Variants in ASB18 observed in about 807,000 individuals in gnomAD.
ASB18 encodes the protein ankyrin repeat and SOCS box protein 18.
In ASB18, 33 loss-of-function variants were observed where a neutral mutation model predicts 33.4. The ratio of observed to expected loss-of-function variants is 0.99; its 90% CI spans 0.75 to 1.32. The LOEUF (loss-of-function observed/expected upper bound fraction) is 1.32. ASB18 is among the 40% of genes most tolerant of loss of function. The pLI, the probability that ASB18 is intolerant of heterozygous loss-of-function variation, is 0.00. For missense variants in ASB18, 694 were observed against 655.5 expected, an observed-to-expected ratio of 1.06 and a Z score of -0.64; for synonymous variants, 295 against 307.6, an observed-to-expected ratio of 0.96 and a Z score of 0.43.
chr2:236,264,206 A>G lies in ASB18; in HGVS notation c.140T>C (p.Ile47Thr), dbSNP rs1456641710. ...CTEITPVDAV[I>T]ELANDDWMKD... is the part of the protein sequence containing the mutation. Reference sequence around the variant, plus strand: ...CATCCAGTCGTCATTGGCCAGTTCTATCACAGCGTCCACAGGCGTGATTTC... The same window carrying G: ...CATCCAGTCGTCATTGGCCAGTTCTGTCACAGCGTCCACAGGCGTGATTTC... Residue 47 changes from isoleucine to threonine, a missense_variant, in exon 1 of 6, where the codon ATA becomes ACA. Coordinates refer to ENST00000409749, the MANE Select transcript of ASB18 (RefSeq NM_212556.4). The surrounding 1 kb of genome is among the most constrained non-coding windows in gnomAD (Gnocchi z 5.1). 2 of 1,613,840 alleles carry G rather than the reference A, an allele frequency of 1.2e-6. No individual in the cohort carries two copies. Among genetic ancestry groups the G allele is most frequent in the African/African-American group, 1.3e-5 (1 of 74,920 alleles).
In ASB18 at chr2:236,211,854, C is replaced by T. The variant is rs916516322; in HGVS notation, c.1101+2508G>A. ...TGAATGCATCCTCATCCACCATCCT[C>T]TCCTGGCCAGGTGTAGGGGTACCCA... On this transcript the variant is annotated intron_variant, in intron 4 of 5. Coordinates refer to ENST00000409749, the MANE Select transcript of ASB18 (RefSeq NM_212556.4). This position sits in a 1 kb window ranked among gnomAD's most constrained non-coding sequence, Gnocchi z 5.0. 6.6e-6 allele frequency among the ~76,000 whole-genome samples: 1 copy of T among 152,188 alleles called. No homozygotes were observed. Among genetic ancestry groups the T allele is most frequent in the Non-Finnish European group, 1.5e-5 (1 of 68,036 alleles).
rs547833882 is a variant in ASB18, at chr2:236,251,107, G to A, written c.206-9705C>T. Among the ~76,000 whole-genome samples the A allele has an allele frequency of 2.0e-5, 3 of 152,304 alleles. No individual in the cohort carries two copies. The South Asian group carries it at 6.2e-4, about 32-fold the overall frequency. The stretch of plus-strand genomic sequence containing the variant: ...TACCAAGCCCAGTGCAGATAATGCA[G>A]AACAACAGTCACTTCTCATTATTAA... On this transcript the variant is annotated intron_variant, in intron 1 of 5. Coordinates refer to ENST00000409749, the MANE Select transcript of ASB18 (RefSeq NM_212556.4). This position sits in a 1 kb window ranked among gnomAD's most constrained non-coding sequence, Gnocchi z 5.3.
At position 236,242,157 on chromosome 2, in the gene ASB18, C is replaced by T. The variant is rs145327002; in HGVS notation, c.206-755G>A. Among the ~76,000 whole-genome samples the T allele has an allele frequency of 1.8e-3, 273 of 152,294 alleles. 1 individual carries two copies. The highest frequency in any genetic ancestry group is 6.4e-3 in the African/African-American group (267 of 41,554). ...AAGGAAATAGCATGGCCACGGCCGC[C>T]TGGCTAGTTAGCAGCTGTGCTATGA... is the stretch of plus-strand genomic sequence containing the variant. On this transcript the variant is annotated intron_variant, in intron 1 of 5. Transcript: ENST00000409749.
chr2:236,203,354 C>T lies in ASB18; in HGVS notation c.1102-6969G>A, dbSNP rs763650778. On this transcript the variant is annotated intron_variant, in intron 4 of 5. Transcript: ENST00000409749. The surrounding 1 kb of genome is among the most constrained non-coding windows in gnomAD (Gnocchi z 6.0). ...GGAGAGTTCTGGGGACAAGAGTGTT[C>T]TAGGCAGAGAAAACGTATTATGCCA... Among the ~76,000 whole-genome samples, 64 of 152,196 alleles carry T rather than the reference C, an allele frequency of 4.2e-4. No individual in the cohort carries two copies. The highest frequency in any genetic ancestry group is 6.8e-3 in the Middle Eastern group (2 of 294).
intron 3 of ASB18, among the ~76,000 whole-genome samples, chr2:236,224,610 A>G (rs114673938): frequency 1.3e-3 from 191 of 152,298 alleles, no homozygotes; most frequent in African/African-American, 4.5e-3. Context: ...TGTTCTCACA[A>G]CCTTTGGCTT....
intron 3 of ASB18, among the ~76,000 whole-genome samples, chr2:236,232,821 C>T (rs2060572485): frequency 6.6e-6 from 1 of 151,996 alleles, no homozygotes; most frequent in African/African-American, 2.4e-5. Context: ...AAGACATGTC[C>T]AGATAGCTTT....
intron 4 of ASB18, among the ~76,000 whole-genome samples, chr2:236,199,603 C>T (rs183774926): frequency 3.3e-5 from 5 of 150,334 alleles, no homozygotes; most frequent in East Asian, 1.9e-4. Flanking sequence ...AGATCTTCAC[C>T]GTATCTATTA....
rs1463721852 is a variant in ASB18 at position 236,244,812 on chromosome 2, C to G, written c.206-3410G>C. On this transcript the variant is annotated intron_variant, in intron 1 of 5. Transcript: ENST00000409749. This position sits in a 1 kb window ranked among gnomAD's most constrained non-coding sequence, Gnocchi z 6.1. ...AGCAAAGGGTGGAGTAGAAATCGAA[C>G]ACATTTATGGTTTGATATAGATGTG... 6.6e-6 allele frequency among the ~76,000 whole-genome samples: 1 copy of G among 152,198 alleles called. No individual in the cohort carries two copies. The highest frequency in any genetic ancestry group is 1.5e-5 in the Non-Finnish European group (1 of 68,048).
chr2:236,240,275 C>G (rs1046383563), intron 2 of ASB18, among the ~76,000 whole-genome samples: 3 of 152,140 alleles, frequency 2.0e-5, no homozygotes, highest in Non-Finnish European at 4.4e-5. Flanking sequence ...TCCTGCAGCC[C>G]CCACCGCCTC....
In ASB18 at chr2:236,237,010, G is replaced by T. The variant is rs1253889729; in HGVS notation, c.596+679C>A. Reference sequence around the variant, plus strand: ...GACCCGGAGCACACGCTGGGAGGGCGCTCTCTGGGGACGGGGGCTGCGGGA... The same window carrying T: ...GACCCGGAGCACACGCTGGGAGGGCTCTCTCTGGGGACGGGGGCTGCGGGA... On this transcript the variant is annotated intron_variant, in intron 3 of 5. Transcript: ENST00000409749. This position sits in a 1 kb window ranked among gnomAD's most constrained non-coding sequence, Gnocchi z 6.2. Among the ~76,000 whole-genome samples the T allele has an allele frequency of 2.6e-5, 4 of 152,098 alleles. No individual in the cohort carries two copies. The highest frequency in any genetic ancestry group is 2.6e-4 in the Admixed American group (4 of 15,282).
chr2:236,246,927 C>T (rs77349596), intron 1 of ASB18, among the ~76,000 whole-genome samples: 1,917 of 152,260 alleles, frequency 0.013, 34 homozygotes, highest in African/African-American at 0.039. Flanking sequence ...TTCACTTTAA[C>T]GAATTTCCTG....
chr2:236,240,537 A>T (rs1397350190), intron 2 of ASB18, among the ~76,000 whole-genome samples: 2 of 152,250 alleles, frequency 1.3e-5, no homozygotes, highest in Non-Finnish European at 1.5e-5. Context: ...AATATGTTGC[A>T]TCTGAGCTGG....
rs2060490962 is a variant in ASB18 at position 236,216,948 on chromosome 2, C to T, written c.597-2082G>A. Among the ~76,000 whole-genome samples the T allele has an allele frequency of 6.6e-6, 1 of 152,124 alleles. No homozygotes were observed. The highest frequency in any genetic ancestry group is 1.5e-5 in the Non-Finnish European group (1 of 68,030). On this transcript the variant is annotated intron_variant, in intron 3 of 5. Transcript: ENST00000409749. This position sits in a 1 kb window ranked among gnomAD's most constrained non-coding sequence, Gnocchi z 6.1. The stretch of plus-strand genomic sequence containing the variant: ...CTCTGCCGTGCCATGCCCCCATGCC[C>T]TCTGCTTGCTCCTTCCAGGTTGCCC...
Position 236,194,892 on chromosome 2 carries a change from G to T in ASB18, c.1381C>A (p.Pro461Thr), listed in dbSNP as rs749031517. ...GCGTTTCAGTGCAAAACACCCTGTG[G>T]CTCCAAAAGTAGGTAATTCTGCAGG... ...KPLQNYLLLE[P>T]QGVLH The change falls in exon 6 of 6, where the codon CCA becomes ACA. Residue 461 changes from proline to threonine, a missense_variant. Transcript: ENST00000409749. The surrounding 1 kb of genome is among the most constrained non-coding windows in gnomAD (Gnocchi z 4.5). 1.4e-5 allele frequency: 22 copies of T among 1,613,526 alleles called. No homozygotes were observed. The highest frequency in any genetic ancestry group is 1.9e-5 in the Non-Finnish European group (22 of 1,179,706).
chr2:236,222,559 A>G lies in ASB18; in HGVS notation c.597-7693T>C, dbSNP rs2060517434. Among the ~76,000 whole-genome samples the G allele has an allele frequency of 6.6e-6, 1 of 152,216 alleles. No homozygotes were observed. The highest frequency in any genetic ancestry group is 1.5e-5 in the Non-Finnish European group (1 of 68,038). On this transcript the variant is annotated intron_variant, in intron 3 of 5. Transcript: ENST00000409749. This position sits in a 1 kb window ranked among gnomAD's most constrained non-coding sequence, Gnocchi z 5.5. Reference sequence around the variant, plus strand: ...GCCCCATGATATAGTTTGGATATTTATCACTGCTGAAATCTCATATTGAAA... The same window carrying G: ...GCCCCATGATATAGTTTGGATATTTGTCACTGCTGAAATCTCATATTGAAA...
rs76720562 is a variant in ASB18 at position 236,196,620 on chromosome 2, A to T, written c.1102-235T>A. 0.015 allele frequency among the ~76,000 whole-genome samples: 2,301 copies of T among 152,306 alleles called. 76 individuals are homozygous for T. Among genetic ancestry groups the T allele is most frequent in the East Asian group, 0.12 (639 of 5,164 alleles). ...CAAGGGAGCCCTCCTTCCCATCATGATGGCCGCCCAGCCAAAGTCTGGGCC... is the reference window on the plus strand; with the variant it reads ...CAAGGGAGCCCTCCTTCCCATCATGTTGGCCGCCCAGCCAAAGTCTGGGCC... On this transcript the variant is annotated intron_variant, in intron 4 of 5. Transcript: ENST00000409749. This position sits in a 1 kb window ranked among gnomAD's most constrained non-coding sequence, Gnocchi z 5.6.
rs2060490974 is a variant in ASB18, at chr2:236,216,958, T to C, written c.597-2092A>G. Among the ~76,000 whole-genome samples, 1 of 152,096 alleles carries C rather than the reference T, an allele frequency of 6.6e-6. No individual in the cohort carries two copies. Among genetic ancestry groups the C allele is most frequent in the African/African-American group, 2.4e-5 (1 of 41,436 alleles). On this transcript the variant is annotated intron_variant, in intron 3 of 5. Coordinates refer to ENST00000409749, the MANE Select transcript of ASB18 (RefSeq NM_212556.4). This position sits in a 1 kb window ranked among gnomAD's most constrained non-coding sequence, Gnocchi z 6.1. ...CCATGCCCCCATGCCCTCTGCTTGC[T>C]CCTTCCAGGTTGCCCCGCTGCACGT...
At position 236,234,855 on chromosome 2, in the gene ASB18, G is replaced by T. The variant is rs939121849; in HGVS notation, c.596+2834C>A. On this transcript the variant is annotated intron_variant, in intron 3 of 5. Transcript: ENST00000409749. The surrounding 1 kb of genome is among the most constrained non-coding windows in gnomAD (Gnocchi z 4.1). ...ATGAAATTTCTAGAAGAAAATATAAGAGAAAATCTGTATGACCTTGGGTTA... is the reference window on the plus strand; with the variant it reads ...ATGAAATTTCTAGAAGAAAATATAATAGAAAATCTGTATGACCTTGGGTTA... Among the ~76,000 whole-genome samples, 2 of 152,106 alleles carry T rather than the reference G, an allele frequency of 1.3e-5. No homozygotes were observed. Among genetic ancestry groups the T allele is most frequent in the African/African-American group, 4.8e-5 (2 of 41,430 alleles).
chr2:236,241,460 C>A lies in ASB18; in HGVS notation c.206-58G>T. 1 of 1,606,446 alleles carries A rather than the reference C, an allele frequency of 6.2e-7. No individual in the cohort carries two copies. ...GGGGACCCTGCTCTAGCTTGAGGAT[C>A]CTTCTCTGTCTTTTGAAATATTTGA... On this transcript the variant is annotated intron_variant, in intron 1 of 5. Coordinates refer to ENST00000409749, the MANE Select transcript of ASB18 (RefSeq NM_212556.4). This position sits in a 1 kb window ranked among gnomAD's most constrained non-coding sequence, Gnocchi z 4.2.
Sources: gnomAD v4.1 joint callset for allele counts (sites outside exome capture counted in the v4.1 genomes callset) on GRCh38, gnomAD v4.1.1 for gene constraint, Gnocchi (gnomAD v3.1) non-coding constraint, MANE v1.5 for transcripts, NCBI Gene and HGNC (gene_info 2026-07-23, HGNC 2026-07-21) for gene names.